CNTN3: variants seen among roughly 807,000 people sequenced by gnomAD.
CNTN3 encodes contactin-3.
A neutral mutation model predicts 119.1 loss-of-function variants in CNTN3; 60 were observed. The ratio of observed to expected loss-of-function variants is 0.50; its 90% CI spans 0.41 to 0.62. CNTN3 has a LOEUF of 0.62. Among genes scored for constraint, CNTN3 ranks in the 20% least tolerant of loss-of-function variants. The pLI is 0.00. For synonymous variants in CNTN3, 450 were observed against 438.7 expected, an observed-to-expected ratio of 1.03 and a Z score of -0.32; for missense variants, 1,101 against 1,242.4, an observed-to-expected ratio of 0.89 and a Z score of 1.71.
At chr3:74,539,206 T>C (rs1273555749) in intron 1 of CNTN3, among the ~76,000 whole-genome samples, 2 of 152,158 alleles carry the variant, frequency 1.3e-5, no homozygotes, top group African/African-American at 2.4e-5. Flanking sequence ...TAATGTGCCA[T>C]TTTAAGCAGG....
intron 4 of CNTN3, among the ~76,000 whole-genome samples, chr3:74,484,670 C>T (rs1350861889): frequency 6.6e-6 from 1 of 152,040 alleles, no homozygotes; most frequent in Non-Finnish European, 1.5e-5. Context: ...AATAATCCTC[C>T]AATATACAAC....
intron 4 of CNTN3, among the ~76,000 whole-genome samples, chr3:74,449,560 T>A (rs1221556421): frequency 6.6e-6 from 1 of 152,080 alleles, no homozygotes; most frequent in Non-Finnish European, 1.5e-5. Context: ...ATCTATTAAA[T>A]ATAAAGCACA....
intron 1 of CNTN3, among the ~76,000 whole-genome samples, chr3:74,558,774 G>A (rs1704107847): frequency 6.6e-6 from 1 of 152,046 alleles, no homozygotes; most frequent in Non-Finnish European, 1.5e-5. Context: ...ATGAGGCCAG[G>A]AGTTTGAGAC....
Position 74,298,100 on chromosome 3 carries a change from A to G in CNTN3, c.2258T>C (p.Val753Ala). Residue 753 changes from valine to alanine, a missense_variant, in exon 18 of 23, where the codon GTG becomes GCG. Physicochemically the swap from Val to Ala is moderately conservative, Grantham distance 64. Transcript: ENST00000263665. The part of the protein sequence containing the change: ...LGVTTWIQTV[V>A]TSPDTPRYVF... The stretch of plus-strand genomic sequence containing the variant: ...ATATCTTGGGGTGTCAGGGGATGTC[A>G]CCACTGTCTGGATCCAGGTGGTAAC... 1.2e-6 allele frequency: 2 copies of G among 1,613,968 alleles called. No homozygotes were observed. Among genetic ancestry groups the G allele is most frequent in the Non-Finnish European group, 1.7e-6 (2 of 1,179,902 alleles).
At chr3:74,565,985 T>C (rs1175890708) in intron 1 of CNTN3, among the ~76,000 whole-genome samples, 3 of 151,922 alleles carry the variant, frequency 2.0e-5, no homozygotes, top group African/African-American at 2.4e-5. Context: ...TAAAGTGGAG[T>C]TCCCCCACAC....
rs570089169 is a variant in CNTN3 at position 74,436,126 on chromosome 3, G to T, written c.359-11186C>A. On this transcript the variant is annotated intron_variant, in intron 4 of 22. Coordinates refer to ENST00000263665, the MANE Select transcript of CNTN3 (RefSeq NM_020872.3). ...GCCTAGGTTCAGGGTATTTGGACAAGCGAGCGTACTCTGTCACTTAGAGTA... is the reference window on the plus strand; with the variant it reads ...GCCTAGGTTCAGGGTATTTGGACAATCGAGCGTACTCTGTCACTTAGAGTA... Among the ~76,000 whole-genome samples the T allele has an allele frequency of 6.7e-4, 102 of 152,326 alleles. 1 individual carries two copies. Among genetic ancestry groups the T allele is most frequent in the African/African-American group, 2.4e-3 (100 of 41,576 alleles).
intron 4 of CNTN3, among the ~76,000 whole-genome samples, chr3:74,441,884 C>T (rs552241030): frequency 1.3e-3 from 197 of 152,246 alleles, no homozygotes; most frequent in African/African-American, 4.5e-3. Context: ...TTACCATTCT[C>T]ATAGAAAATA....
chr3:74,420,606 C>T (rs1469712644), intron 5 of CNTN3, among the ~76,000 whole-genome samples: 1 of 152,298 alleles, frequency 6.6e-6, no homozygotes, highest in African/African-American at 2.4e-5. Context: ...AAAATTAAAA[C>T]AAAACCATGA....
chr3:74,361,841 T>A lies in CNTN3; in HGVS notation c.1364+49A>T, dbSNP rs371182730. ...TTTAAAACCTATGTTGACATCAGTATGGAAAGTGAGAGGAAAGTAAATGAC... is the reference window on the plus strand; with the variant it reads ...TTTAAAACCTATGTTGACATCAGTAAGGAAAGTGAGAGGAAAGTAAATGAC... On this transcript the variant is annotated intron_variant, in intron 11 of 22. Transcript: ENST00000263665. 105 of 1,553,718 alleles carry A rather than the reference T, an allele frequency of 6.8e-5. No homozygotes were observed. The African/African-American group carries it at 1.3e-3, about 19-fold the overall frequency.
At chr3:74,448,331 T>C (rs557786005) in intron 4 of CNTN3, among the ~76,000 whole-genome samples, 9 of 152,294 alleles carry the variant, frequency 5.9e-5, no homozygotes, top group Admixed American at 5.9e-4. Context: ...CTTTATCTCA[T>C]GACACTATGT....
Position 74,351,464 on chromosome 3 carries a change from C to T in CNTN3, c.1364+10426G>A, listed in dbSNP as rs145765236. ...AAGCCAAGGCTCAGGAATTATGTAA[C>T]TTGTCTAACACCCCATAGGTGGCAA... On this transcript the variant is annotated intron_variant, in intron 11 of 22. Transcript: ENST00000263665. Among the ~76,000 whole-genome samples, 609 of 152,322 alleles carry T rather than the reference C, an allele frequency of 4.0e-3. 4 individuals are homozygous for T. The highest frequency in any genetic ancestry group is 0.013 in the Admixed American group (197 of 15,306).
intron 2 of CNTN3, among the ~76,000 whole-genome samples, chr3:74,503,956 T>A (rs893140658): frequency 2.2e-4 from 33 of 152,116 alleles, no homozygotes; most frequent in African/African-American, 7.7e-4. Flanking sequence ...TGAATGTAAG[T>A]ACAAGCTTTA....
rs538981337 is a variant in CNTN3 at position 74,563,120 on chromosome 3, C to A, written c.-80-41928G>T. 2.0e-5 allele frequency among the ~76,000 whole-genome samples: 3 copies of A among 152,288 alleles called. No homozygotes were observed. In the South Asian group the frequency reaches 6.2e-4, roughly 32 times the overall value. On this transcript the variant is annotated intron_variant, in intron 1 of 22. Coordinates refer to ENST00000263665, the MANE Select transcript of CNTN3 (RefSeq NM_020872.3). ...GCTTTAAACAGCATTCCCACCACAGCTGCTGGGTTCCATCTATTGGTTTCT... is the reference window on the plus strand; with the variant it reads ...GCTTTAAACAGCATTCCCACCACAGATGCTGGGTTCCATCTATTGGTTTCT...
intron 1 of CNTN3, among the ~76,000 whole-genome samples, chr3:74,522,556 A>G (rs1272004495): frequency 6.6e-6 from 1 of 151,904 alleles, no homozygotes; most frequent in Non-Finnish European, 1.5e-5. Flanking sequence ...GAGAAGTAAG[A>G]TAGGAAAAGG....
chr3:74,331,461 A>C (rs1703263654), intron 13 of CNTN3, among the ~76,000 whole-genome samples: 1 of 152,114 alleles, frequency 6.6e-6, no homozygotes, highest in Non-Finnish European at 1.5e-5. Context: ...ATTTCTCAGA[A>C]TGTATCCCCA....
At chr3:74,329,291 G>T (rs1176693748) in intron 13 of CNTN3, among the ~76,000 whole-genome samples, 3 of 152,086 alleles carry the variant, frequency 2.0e-5, no homozygotes, top group African/African-American at 7.2e-5. Flanking sequence ...TTAAATGAAT[G>T]GCAGATTGGT....
chr3:74,601,877 T>C (rs1704916727), intron 1 of CNTN3, among the ~76,000 whole-genome samples: 1 of 152,098 alleles, frequency 6.6e-6, no homozygotes, highest in African/African-American at 2.4e-5. Flanking sequence ...ATGAGAATAA[T>C]TTCCATCAGG....
At chr3:74,376,318 A>G (rs1176137712) in intron 5 of CNTN3, among the ~76,000 whole-genome samples, 14 of 152,174 alleles carry the variant, frequency 9.2e-5, no homozygotes, top group Admixed American at 7.9e-4. Flanking sequence ...GGAGGTGAGC[A>G]GTGAGCAAGC....
At chr3:74,320,383 C>A (rs1432687903) in intron 13 of CNTN3, among the ~76,000 whole-genome samples, 2 of 152,102 alleles carry the variant, frequency 1.3e-5, no homozygotes, top group Admixed American at 1.3e-4. Context: ...ATGGATGAAG[C>A]TGGAAACCAT....
Sources: gnomAD v4.1 joint callset for allele counts (sites outside exome capture counted in the v4.1 genomes callset) on GRCh38, gnomAD v4.1.1 for gene constraint, MANE v1.5 for transcripts, NCBI Gene and HGNC (gene_info 2026-07-23, HGNC 2026-07-21) for gene names.